Variants in CPM observed in about 807,000 individuals in gnomAD.
The protein encoded by CPM is carboxypeptidase M.
A neutral mutation model predicts 46.4 loss-of-function variants in CPM; 35 were observed. That is an observed-to-expected ratio of 0.75 (90% CI 0.58 to 1.00). The LOEUF is 1.00. CPM is among the 50% of genes least tolerant of loss of function. CPM has a pLI of 0.00. For synonymous variants in CPM, 195 were observed against 195.3 expected (o/e 1.00, Z 0.01); for missense variants, 422 against 530.4 (o/e 0.80, Z 2.01).
chr12:68,950,954 G>C (rs1353697035), intron 1 of CPM, among the ~76,000 whole-genome samples: 1 of 152,200 alleles, frequency 6.6e-6, no homozygotes, highest in Non-Finnish European at 1.5e-5. Context: ...GGGTGCAGAA[G>C]CCATAGCATA....
chr12:68,903,327 C>T (rs55786435), intron 2 of CPM, among the ~76,000 whole-genome samples: 2,890 of 152,204 alleles, frequency 0.019, 87 homozygotes, highest in African/African-American at 0.067. Flanking sequence ...CTCTCATACC[C>T]GTAAACTGTA....
chr12:68,927,206 C>T (rs1888305447), intron 2 of CPM, among the ~76,000 whole-genome samples: 1 of 151,308 alleles, frequency 6.6e-6, no homozygotes, highest in Admixed American at 6.6e-5. Flanking sequence ...CCTATTTCTC[C>T]ACATCCTCTC....
At position 68,856,146 on chromosome 12, in the gene CPM, TCAAG is replaced by T; in HGVS notation, c.*287_*290del. The stretch of plus-strand genomic sequence containing the variant: ...CTTTTTGCAGGCATTTTTTTGCTTC[TCAAG>T]TTTTAACTTCTTACACATTTTAAGA... On this transcript the variant is annotated 3_prime_UTR_variant, in exon 9 of 9. Transcript: ENST00000551568. 5.9e-6 allele frequency: 2 copies of T among 341,630 alleles called. No individual in the cohort carries two copies. Among genetic ancestry groups the T allele is most frequent in the African/African-American group, 2.1e-5 (1 of 48,684 alleles). 21.2% of individuals were successfully genotyped at this position (341,630 alleles called of 1,614,324 possible). A position where few individuals can be genotyped will look rare whatever the true frequency, so the allele number is the denominator to read the frequency against.
chr12:68,889,511 C>T (rs1275062458), intron 2 of CPM, among the ~76,000 whole-genome samples: 1 of 152,096 alleles, frequency 6.6e-6, no homozygotes, highest in East Asian at 1.9e-4. Context: ...CCTATAGCTT[C>T]GTAGCATATA....
intron 3 of CPM, among the ~76,000 whole-genome samples, chr12:68,876,612 C>T (rs1885961426): frequency 1.3e-5 from 2 of 152,248 alleles, no homozygotes; most frequent in Middle Eastern, 3.4e-3. Flanking sequence ...AGGGAGAAGC[C>T]CTCATGAAGA....
At chr12:68,842,481 A>C in intron 5 of CPM, 2 of 400,804 alleles carry the variant, frequency 5.0e-6, no homozygotes, top group South Asian at 4.1e-5. Context: ...TTTTTATATA[A>C]GGTCACTCCG....
At chr12:68,849,020 G>A (rs1884516430), downstream of CPM, 1 of 150,662 alleles carries the variant, frequency 6.6e-6, no homozygotes, top group Non-Finnish European at 1.5e-5. Flanking sequence ...CCAAAGTTAA[G>A]CATTTTTTAA....
At chr12:68,899,408 C>T (rs1021354727) in intron 2 of CPM, among the ~76,000 whole-genome samples, 2 of 152,266 alleles carry the variant, frequency 1.3e-5, no homozygotes, top group African/African-American at 4.8e-5. Context: ...TGTGTTGAAT[C>T]ATTAACCATA....
At chr12:68,945,846 C>CTTTTT (rs1170064808) in intron 1 of CPM, among the ~76,000 whole-genome samples, 483 of 88,496 alleles carry the variant, frequency 5.5e-3, no homozygotes, top group African/African-American at 9.3e-3. Context: ...TTCTTTCTTT[C>CTTTTT]TTTTTTTTTT....
rs1143653 is a variant in CPM, at chr12:68,858,935, A to G, written c.1077T>C (p.Ser359=). The G allele has an allele frequency of 0.2, 291,630 of 1,487,060 alleles. 30,694 individuals carry two copies. The highest frequency in any genetic ancestry group is 0.31 in the African/African-American group (21,432 of 69,338). The allele number at this position is 1,487,060 out of a possible 1,614,324, so 92.1% of individuals were successfully genotyped here. A position where few individuals can be genotyped will look rare whatever the true frequency, so the allele number is the denominator to read the frequency against. ...ATTGCATACTTACATTTATTATATAAGACCCAGGCAAGAGAAGGAGATAAT... is the reference window on the plus strand; with the variant it reads ...ATTGCATACTTACATTTATTATATAGGACCCAGGCAAGAGAAGGAGATAAT... ...GEYYLLLLPG[S]YIINVTVPGH... Residue 359 remains serine (S), a synonymous_variant, in exon 8 of 9, where the codon TCT becomes TCC. Transcript: ENST00000551568.
intron 1 of CPM, chr12:68,957,321 GAAA>G (rs10530969): frequency 5.1e-4 from 70 of 137,028 alleles, no homozygotes; most frequent in South Asian, 2.3e-3. Context: ...GTGATTCTCA[GAAA>G]AAAAAAAAAA....
chr12:68,933,905 C>T (rs949215373), upstream of CPM, among the ~76,000 whole-genome samples: 49 of 152,306 alleles, frequency 3.2e-4, no homozygotes, highest in African/African-American at 1.1e-3. Flanking sequence ...CCGATGCTTC[C>T]TCCACCTGCA....
intron 1 of CPM, among the ~76,000 whole-genome samples, chr12:68,944,457 G>A (rs1888810754): frequency 6.6e-6 from 1 of 152,172 alleles, no homozygotes; most frequent in Admixed American, 6.5e-5. Context: ...AGGCTGGAGT[G>A]CAGTGGTATA....
downstream of CPM, among the ~76,000 whole-genome samples, chr12:68,850,880 T>G (rs1473996009): frequency 6.6e-6 from 1 of 152,172 alleles, no homozygotes; most frequent in African/African-American, 2.4e-5. Context: ...AAATATTTTT[T>G]CTGACCAGAA....
chr12:68,955,064 C>G (rs916358856), intron 1 of CPM, among the ~76,000 whole-genome samples: 4 of 152,278 alleles, frequency 2.6e-5, no homozygotes, highest in East Asian at 3.9e-4. Context: ...CCTTGCTGCT[C>G]CACATCTGGC....
At chr12:68,909,813 C>T (rs1384797854) in intron 2 of CPM, among the ~76,000 whole-genome samples, 4 of 132,690 alleles carry the variant, frequency 3.0e-5, no homozygotes, top group South Asian at 2.5e-4. Context: ...GGGAGGGAAA[C>T]ATCACACACT....
chr12:68,905,777 G>C (rs1887318754), intron 2 of CPM, among the ~76,000 whole-genome samples: 1 of 152,072 alleles, frequency 6.6e-6, no homozygotes, highest in South Asian at 2.1e-4. Context: ...ATATTTAATA[G>C]GGACTTACAA....
chr12:68,958,705 T>C lies in CPM; in HGVS notation c.-4+4464A>G, dbSNP rs545510162. 5.9e-5 allele frequency among the ~76,000 whole-genome samples: 9 copies of C among 152,238 alleles called. No individual in the cohort carries two copies. The South Asian group carries it at 1.7e-3, about 28-fold the overall frequency. ...ATAGCTCAAATGCCAGAGGGGTGTT[T>C]TAAAACATAATCAGAACATGTTCTT... On this transcript the variant is annotated intron_variant, in intron 1 of 8. Transcript: ENST00000546373.
At chr12:68,929,636 CG>C (rs1469536204) in intron 2 of CPM, among the ~76,000 whole-genome samples, 1 of 152,040 alleles carries the variant, frequency 6.6e-6, no homozygotes, top group African/African-American at 2.4e-5. Context: ...AAAATAAAAA[CG>C]TTTTTAAAAA....
Sources: allele counts gnomAD v4.1 joint callset (sites outside exome capture counted in the v4.1 genomes callset), GRCh38; gene constraint gnomAD v4.1.1; transcripts MANE v1.5; gene names NCBI Gene and HGNC (gene_info 2026-07-23, HGNC 2026-07-21).